The following STOM variants were observed in gnomAD, a reference collection of about 807,000 sequenced individuals.
STOM encodes the protein erythrocyte band 7 integral membrane protein.
A neutral mutation model predicts 30.6 loss-of-function variants in STOM; 25 were observed. That is an observed-to-expected ratio of 0.82 (90% CI 0.60 to 1.14). STOM has a LOEUF of 1.14. Among genes scored for constraint, STOM ranks in the 50% most tolerant of loss-of-function variants. The probability of loss-of-function intolerance (pLI) is 0.00; values close to 1 mark genes in which losing one functional copy is unlikely to be tolerated. For synonymous variants in STOM, 118 were observed against 130.8 expected (o/e 0.90, Z 0.67); for missense variants, 292 against 365.2 (o/e 0.80, Z 1.63).
Position 121,370,150 on chromosome 9 carries a change from TG to T in STOM, c.37del (p.Gln13SerfsTer32). 6.5e-7 allele frequency: 1 copy of T among 1,547,144 alleles called. No individual in the cohort carries two copies. On this transcript the variant is annotated frameshift_variant, in exon 1 of 7. Transcript: ENST00000286713. LOFTEE classifies it high-confidence loss of function. The part of the protein sequence containing the change: ...EKRHTRDSEA[Q>X]RLPDSFKDSP... Reference sequence around the variant, plus strand: ...ACCCTTGAAGGAGTCGGGGAGCCGCTGGGCTTCGGAGTCCCGTGTGTGCCGC... The same window carrying T: ...ACCCTTGAAGGAGTCGGGGAGCCGCTGGCTTCGGAGTCCCGTGTGTGCCGC...
chr9:121,354,473 G>A (rs1278944952), intron 3 of STOM, 128 bp downstream of exon 3: 2 of 639,412 alleles, frequency 3.1e-6, no homozygotes, highest in Non-Finnish European at 5.2e-6. Flanking sequence ...TGAGACATGA[G>A]CATGCCACTG....
At chr9:121,354,554 A>G (rs1237816131) in intron 3 of STOM, 47 bp downstream of exon 3, 5 of 1,466,776 alleles carry the variant, frequency 3.4e-6, no homozygotes, top group Non-Finnish European at 4.6e-6. Flanking sequence ...AAAAAAATAA[A>G]AAGAACTTTA....
intron 5 of STOM, 128 bp from the exon 6 acceptor site, chr9:121,348,277 G>T: frequency 7.5e-7 from 1 of 1,334,262 alleles, no homozygotes; most frequent in Non-Finnish European, 1.0e-6. Context: ...TTACCCCACG[G>T]TGGAACGAAT....
intron 1 of STOM, among the ~76,000 whole-genome samples, chr9:121,357,589 G>A (rs1482115891): frequency 6.6e-6 from 1 of 151,570 alleles, no homozygotes; most frequent in Non-Finnish European, 1.5e-5. Context: ...ACAGCCACCT[G>A]CCACCACACC....
Position 121,357,441 on chromosome 9 carries a change from T to TATATA in STOM, c.62-1286_62-1285insTATAT, listed in dbSNP as rs1564631312. 3.0e-3 allele frequency among the ~76,000 whole-genome samples: 219 copies of TATATA among 74,110 alleles called. 15 individuals are homozygous for TATATA. Among genetic ancestry groups the TATATA allele is most frequent in the Admixed American group, 7.8e-3 (49 of 6,260 alleles). 48.6% of individuals were successfully genotyped at this position (74,110 alleles called of 152,430 possible). On this transcript the variant is annotated intron_variant, in intron 1 of 6. Coordinates refer to ENST00000286713, the MANE Select transcript of STOM (RefSeq NM_004099.6). Reference sequence around the variant, plus strand: ...TTTTAAATGATATATATATATATATTTATTTATTTATTTTTTGAGACAGAG... The same window carrying TATATA: ...TTTTAAATGATATATATATATATATTATATATATTTATTTATTTTTTGAGACAGAG...
At chr9:121,345,477 A>C (rs926221056) in intron 6 of STOM, among the ~76,000 whole-genome samples, 2 of 151,760 alleles carry the variant, frequency 1.3e-5, no homozygotes, top group African/African-American at 4.8e-5. Flanking sequence ...ACTCTATCTC[A>C]CCTTTCCTGT....
intron 5 of STOM, 115 bp from the exon 6 acceptor site, chr9:121,348,264 C>G (rs2064307402): frequency 2.1e-6 from 3 of 1,437,316 alleles, no homozygotes; most frequent in East Asian, 2.3e-5. Flanking sequence ...TGTGGAGAGA[C>G]AGTTACCCCA....
At chr9:121,348,215 T>C in intron 5 of STOM, 66 bp from the exon 6 acceptor site, 2 of 1,606,334 alleles carry the variant, frequency 1.2e-6, no homozygotes, top group Non-Finnish European at 1.7e-6. Flanking sequence ...AGAGGCTGTA[T>C]TCATTGGGAT....
rs1385991100 is a variant in STOM at position 121,370,136 on chromosome 9, A to G, written c.52T>C (p.Ser18Pro). 3 of 1,545,342 alleles carry G rather than the reference A, an allele frequency of 1.9e-6. No homozygotes were observed. In the Admixed American group the frequency reaches 5.9e-5, roughly 30 times the overall value. Reference protein sequence around the residue: ...RDSEAQRLPDSFKDSPSKGLG... With the variant: ...RDSEAQRLPDPFKDSPSKGLG... ...GGGACGCGGGACTCACCCTTGAAGG[A>G]GTCGGGGAGCCGCTGGGCTTCGGAG... is the stretch of plus-strand genomic sequence containing the variant. Residue 18 changes from serine (S) to proline (P), a missense_variant, in exon 1 of 7, where the codon TCC (serine) becomes CCC (proline). By Grantham distance (74) the Ser-to-Pro change is moderately conservative. Coordinates refer to ENST00000286713, the MANE Select transcript of STOM (RefSeq NM_004099.6).
chr9:121,365,537 T>A (rs1372568935), intron 1 of STOM, among the ~76,000 whole-genome samples: 2 of 151,888 alleles, frequency 1.3e-5, no homozygotes, highest in Admixed American at 6.6e-5. Context: ...ACAATTAAGT[T>A]TTTCTCATAT....
rs1564631312 is a variant in STOM, at chr9:121,357,441, T to TATATATATATA, written c.62-1286_62-1285insTATATATATAT. Among the ~76,000 whole-genome samples, 37 of 74,102 alleles carry TATATATATATA rather than the reference T, an allele frequency of 5.0e-4. 4 individuals are homozygous for TATATATATATA. The highest frequency in any genetic ancestry group is 1.7e-3 in the South Asian group (3 of 1,738). The allele number at this position is 74,102 out of a possible 152,430, so 48.6% of individuals were successfully genotyped here. On this transcript the variant is annotated intron_variant, in intron 1 of 6. Coordinates refer to ENST00000286713, the MANE Select transcript of STOM (RefSeq NM_004099.6). Reference sequence around the variant, plus strand: ...TTTTAAATGATATATATATATATATTTATTTATTTATTTTTTGAGACAGAG... The same window carrying TATATATATATA: ...TTTTAAATGATATATATATATATATTATATATATATATATTTATTTATTTTTTGAGACAGAG...
At chr9:121,341,673 A>T (rs1335820717) in intron 6 of STOM, among the ~76,000 whole-genome samples, 1 of 152,236 alleles carries the variant, frequency 6.6e-6, no homozygotes, top group Non-Finnish European at 1.5e-5. Context: ...AAACAAAGGG[A>T]TAATTCAAAA....
chr9:121,349,427 CT>C, intron 4 of STOM, 104 bp from the exon 5 acceptor site: 1 of 916,710 alleles, frequency 1.1e-6, no homozygotes, highest in Non-Finnish European at 1.7e-6. Context: ...AGCTGATTTT[CT>C]TTAGTAAGGC....
chr9:121,341,299 G>C lies in STOM; in HGVS notation c.770C>G (p.Thr257Ser), dbSNP rs964585585. The stretch of plus-strand genomic sequence containing the variant: ...TGAGTTTTTCTCAGCAGCAATGGTG[G>C]TCAGTGTCTGCAGGTATCGGAGCTG... ...ALQLRYLQTL[T>S]TIAAEKNSTI... The change falls in exon 7 of 7, where the codon ACC becomes AGC. Residue 257 changes from threonine (T) to serine (S), a missense_variant. Transcript: ENST00000286713. 1.1e-5 allele frequency: 18 copies of C among 1,614,054 alleles called. No individual in the cohort carries two copies. Among genetic ancestry groups the C allele is most frequent in the Non-Finnish European group, 1.4e-5 (16 of 1,180,036 alleles).
intron 1 of STOM, among the ~76,000 whole-genome samples, chr9:121,357,733 C>T (rs1042687600): frequency 6.6e-5 from 10 of 151,960 alleles, no homozygotes; most frequent in South Asian, 2.1e-4. Context: ...CCACTGCGCC[C>T]GGCCTTAAAT....
At chr9:121,355,970 T>TCA (rs2064385326) in intron 2 of STOM, 83 bp downstream of exon 2, 1 of 913,260 alleles carries the variant, frequency 1.1e-6, no homozygotes. Flanking sequence ...TGTTTCTTTC[T>TCA]CACATACACA....
chr9:121,348,013 A>C lies in STOM; in HGVS notation c.660+2T>G, dbSNP rs1454843615. On this transcript the variant is annotated splice_donor_variant, in intron 6 of 6. Transcript: ENST00000286713. LOFTEE classifies it high-confidence loss of function. ...GAAAAACAAGTTTAAAAAAAAAGTT[A>C]CCTTGGCGCGGGCCTCGCGGGACGC... The C allele has an allele frequency of 6.3e-7, 1 of 1,597,848 alleles. No homozygotes were observed. Among genetic ancestry groups the C allele is most frequent in the Non-Finnish European group, 8.5e-7 (1 of 1,173,946 alleles).
intron 4 of STOM, among the ~76,000 whole-genome samples, chr9:121,350,557 C>T (rs972377520): frequency 3.9e-5 from 6 of 152,210 alleles, no homozygotes; most frequent in African/African-American, 1.4e-4. Context: ...CGATGAGGAA[C>T]ACAGCAGTGA....
At chr9:121,355,231 C>CAAAAA (rs762080105) in intron 2 of STOM, among the ~76,000 whole-genome samples, 1 of 83,444 alleles carries the variant, frequency 1.2e-5, no homozygotes. Context: ...GACTCCGTCT[C>CAAAAA]AAAAAAAAAA....
Sources: gnomAD v4.1 joint callset for allele counts (sites outside exome capture counted in the v4.1 genomes callset) on GRCh38, gnomAD v4.1.1 for gene constraint, MANE v1.5 for transcripts, NCBI Gene and HGNC (gene_info 2026-07-23, HGNC 2026-07-21) for gene names.